HMCN1: variants seen among roughly 807,000 people sequenced by gnomAD.
HMCN1 encodes the protein hemicentin 1, also known as hemicentin-1.
In HMCN1, 321 loss-of-function variants were observed where a neutral mutation model predicts 625.9. The ratio of observed to expected loss-of-function variants is 0.51; its 90% CI spans 0.47 to 0.56. The LOEUF (loss-of-function observed/expected upper bound fraction) is 0.56, where lower values mean the gene tolerates loss of function less well. Ranked by LOEUF, HMCN1 falls within the 20% of genes least tolerant of loss-of-function variation. The pLI is 0.00. For synonymous variants in HMCN1, 2,425 were observed against 2,417.6 expected, an observed-to-expected ratio of 1.00 and a Z score of -0.09; for missense variants, 6,588 against 6,887.3, an observed-to-expected ratio of 0.96 and a Z score of 1.54.
chr1:185,755,387 T>G (rs1318228461), intron 1 of HMCN1, among the ~76,000 whole-genome samples: 2 of 152,232 alleles, frequency 1.3e-5, no homozygotes, highest in Admixed American at 1.3e-4. Flanking sequence ...TAAGGCTGAT[T>G]CAGGAGGTTG....
At chr1:186,053,768 G>T in intron 43 of HMCN1, 57 bp from the exon 44 acceptor site, 5 of 1,555,492 alleles carry the variant, frequency 3.2e-6, no homozygotes, top group Non-Finnish European at 4.4e-6. Context: ...ACTTGGCAAT[G>T]TATACAAAAT....
intron 80 of HMCN1, among the ~76,000 whole-genome samples, chr1:186,121,402 G>A (rs1661391470): frequency 1.3e-5 from 2 of 152,166 alleles, no homozygotes; most frequent in Admixed American, 1.3e-4. Flanking sequence ...TTGTCCAAGA[G>A]TGGAGATGGG....
chr1:186,049,120 G>A (rs1558175385), intron 42 of HMCN1, among the ~76,000 whole-genome samples: 1 of 151,920 alleles, frequency 6.6e-6, no homozygotes, highest in Non-Finnish European at 1.5e-5. Flanking sequence ...CGTAATGATT[G>A]GGCCTTCTCT....
chr1:185,995,540 C>G (rs957988047), intron 24 of HMCN1, among the ~76,000 whole-genome samples: 1 of 152,070 alleles, frequency 6.6e-6, no homozygotes, highest in African/African-American at 2.4e-5. Context: ...AAATACTGAT[C>G]GAGCTCTTGC....
intron 1 of HMCN1, among the ~76,000 whole-genome samples, chr1:185,821,058 T>C (rs1298001676): frequency 1.3e-5 from 2 of 151,774 alleles, no homozygotes; most frequent in African/African-American, 4.8e-5. Flanking sequence ...TATATATCTA[T>C]ATATATGCTT....
intron 49 of HMCN1, among the ~76,000 whole-genome samples, chr1:186,066,333 T>A (rs1037205084): frequency 6.6e-6 from 1 of 152,168 alleles, no homozygotes; most frequent in African/African-American, 2.4e-5. Flanking sequence ...GGGATCTAGA[T>A]CTGAATCAAA....
chr1:185,927,610 G>A (rs764424197), intron 9 of HMCN1, among the ~76,000 whole-genome samples: 3 of 152,102 alleles, frequency 2.0e-5, no homozygotes, highest in African/African-American at 4.8e-5. Flanking sequence ...GATAAGTATG[G>A]TGTGTTTGGA....
intron 1 of HMCN1, among the ~76,000 whole-genome samples, chr1:185,837,448 T>C (rs1661236973): frequency 6.6e-6 from 1 of 152,076 alleles, no homozygotes; most frequent in Admixed American, 6.6e-5. Flanking sequence ...TATTTTTTTC[T>C]TATGAAGTTG....
chr1:186,169,878 G>C (rs564413664), intron 100 of HMCN1, among the ~76,000 whole-genome samples: 1 of 151,964 alleles, frequency 6.6e-6, no homozygotes, highest in Admixed American at 6.6e-5. Context: ...GAAACTATCA[G>C]AGTGAACAGG....
At position 185,923,443 on chromosome 1, in the gene HMCN1, A is replaced by G. The variant is rs771152741; in HGVS notation, c.1075A>G (p.Ile359Val). 1 of 1,610,816 alleles carries G rather than the reference A, an allele frequency of 6.2e-7. No homozygotes were observed. The highest frequency in any genetic ancestry group is 1.7e-5 in the Admixed American group (1 of 60,020). ...TTCTGGAATTTCCACTCCAGCTAGA[A>G]TAGATCTTCTTGAACTTTTGAGTAT... ...NTSGISTPAR[I>V]DLLELLSISG... The change falls in exon 8 of 107, where the codon ATA becomes GTA. Residue 359 changes from isoleucine (I) to valine (V), a missense_variant. Physicochemically the swap from Ile to Val is conservative, Grantham distance 29 (BLOSUM62 3). Coordinates refer to ENST00000271588, the MANE Select transcript of HMCN1 (RefSeq NM_031935.3).
At position 186,159,892 on chromosome 1, in the gene HMCN1, T is replaced by C. The variant is rs151204668; in HGVS notation, c.15257-5219T>C. On this transcript the variant is annotated intron_variant, in intron 97 of 106. Transcript: ENST00000271588. ...TTGGTCTAAAATGCTCTTTTTTGGTTGTGTCTCTGCCTGGCTTTGGTATCA... is the reference window on the plus strand; with the variant it reads ...TTGGTCTAAAATGCTCTTTTTTGGTCGTGTCTCTGCCTGGCTTTGGTATCA... Among the ~76,000 whole-genome samples, 1,444 of 152,308 alleles carry C rather than the reference T, an allele frequency of 9.5e-3. 66 individuals are homozygous for C. The highest frequency in any genetic ancestry group is 0.084 in the Admixed American group (1,281 of 15,288).
intron 104 of HMCN1, among the ~76,000 whole-genome samples, chr1:186,181,310 C>G (rs1233906765): frequency 6.6e-6 from 1 of 152,148 alleles, no homozygotes. Context: ...GACAAGAAAT[C>G]TTCAGCCTCC....
intron 96 of HMCN1, 46 bp from the exon 97 acceptor site, chr1:186,153,704 T>G: frequency 2.0e-6 from 3 of 1,528,912 alleles, no homozygotes; most frequent in Non-Finnish European, 2.7e-6. Context: ...GGGAAAAAAA[T>G]TAGTATGAGC....
intron 86 of HMCN1, among the ~76,000 whole-genome samples, chr1:186,133,933 T>C (rs1158647946): frequency 1.3e-5 from 2 of 152,168 alleles, no homozygotes; most frequent in South Asian, 2.1e-4. Flanking sequence ...AATGTTAATA[T>C]GTTGGTGTGA....
intron 1 of HMCN1, among the ~76,000 whole-genome samples, chr1:185,753,974 G>A (rs1418459891): frequency 4.6e-5 from 7 of 152,176 alleles, no homozygotes; most frequent in Non-Finnish European, 1.0e-4. Flanking sequence ...GCACTCTCAT[G>A]TTCATTGCAG....
In HMCN1 at chr1:186,137,797, T is replaced by C. The variant is rs749113716; in HGVS notation, c.13754-5T>C. 22 of 1,613,990 alleles carry C rather than the reference T, an allele frequency of 1.4e-5. No individual in the cohort carries two copies. Among genetic ancestry groups the C allele is most frequent in the Non-Finnish European group, 1.9e-5 (22 of 1,179,988 alleles). The stretch of plus-strand genomic sequence containing the variant: ...CTGATGGTGTAATGGTTCACCTTTG[T>C]ATAGTGGATGGTAGCTGGTCGGAAT... On this transcript the variant is annotated splice_region_variant and splice_polypyrimidine_tract_variant and intron_variant, in intron 88 of 106. Transcript: ENST00000271588.
chr1:185,890,782 A>G (rs1292640883), intron 4 of HMCN1, among the ~76,000 whole-genome samples: 2 of 80,994 alleles, frequency 2.5e-5, no homozygotes, highest in Admixed American at 1.5e-4. Flanking sequence ...AAAAATGTAT[A>G]TTCTGTTGAT....
At chr1:185,739,641 C>T (rs188821641) in intron 1 of HMCN1, among the ~76,000 whole-genome samples, 99 of 152,258 alleles carry the variant, frequency 6.5e-4, no homozygotes, top group African/African-American at 1.9e-3. Context: ...TTCATTCACT[C>T]ACCTATATGT....
In HMCN1 at chr1:186,019,620, C is replaced by T; in HGVS notation, c.5550C>T (p.Ala1850=). 6.2e-7 allele frequency: 1 copy of T among 1,610,470 alleles called. No individual in the cohort carries two copies. Among genetic ancestry groups the T allele is most frequent in the Non-Finnish European group, 8.5e-7 (1 of 1,177,014 alleles). ...AGCCTGTCGCCTTGCAGTGCATAGC[C>T]AATGGGATTCCAAATCCTTCCATTA... is the stretch of plus-strand genomic sequence containing the variant. ...KYKPVALQCI[A]NGIPNPSITW... Residue 1850 remains alanine, a synonymous_variant, in exon 35 of 107, where the codon GCC becomes GCT. Coordinates refer to ENST00000271588, the MANE Select transcript of HMCN1 (RefSeq NM_031935.3).
Sources: allele counts gnomAD v4.1 joint callset (sites outside exome capture counted in the v4.1 genomes callset), GRCh38; gene constraint gnomAD v4.1.1; transcripts MANE v1.5; gene names NCBI Gene and HGNC (gene_info 2026-07-23, HGNC 2026-07-21).